ZNF608: variants seen among roughly 807,000 people sequenced by gnomAD.
The protein encoded by ZNF608 is renal carcinoma antigen NY-REN-36.
A neutral mutation model predicts 109.0 loss-of-function variants in ZNF608; 12 were observed. That is an observed-to-expected ratio of 0.11 (90% CI 0.07 to 0.18). The LOEUF is 0.18. ZNF608 is among the 10% of genes least tolerant of loss of function. ZNF608 has a pLI of 1.00. For synonymous variants in ZNF608, 732 were observed against 717.4 expected (o/e 1.02, Z -0.33); for missense variants, 1,707 against 1,879.3 (o/e 0.91, Z 1.70).
intron 3 of ZNF608, among the ~76,000 whole-genome samples, chr5:124,650,489 C>T (rs1398543062): frequency 3.3e-5 from 5 of 152,210 alleles, no homozygotes. Flanking sequence ...ACACTCGTTT[C>T]CTGCAAGCCA....
At chr5:124,694,722 T>TC (rs1259662826) in intron 3 of ZNF608, among the ~76,000 whole-genome samples, 3 of 103,632 alleles carry the variant, frequency 2.9e-5, no homozygotes, top group Non-Finnish European at 6.1e-5. Flanking sequence ...CCCTCCCCCC[T>TC]CCCCCACCCC....
intron 2 of ZNF608, among the ~76,000 whole-genome samples, chr5:124,716,122 G>A (rs549742993): frequency 1.6e-5 from 2 of 128,478 alleles, no homozygotes; most frequent in Admixed American, 2.0e-4. Flanking sequence ...CAGCCTGGGC[G>A]ACAGAGCGAG....
At chr5:124,666,127 A>G (rs1323532149) in intron 3 of ZNF608, 2 of 152,244 alleles carry the variant, frequency 1.3e-5, no homozygotes, top group African/African-American at 4.8e-5. Context: ...CAGGGAACGT[A>G]AATTTTATTC....
Position 124,746,347 on chromosome 5 carries a change from C to T in ZNF608, c.-336G>A. Reference sequence around the variant, plus strand: ...ACACATCTCAGCCAGAATAATCACTCGATAACATTATTCCACCTCCCCACC... The same window carrying T: ...ACACATCTCAGCCAGAATAATCACTTGATAACATTATTCCACCTCCCCACC... On this transcript the variant is annotated 5_prime_UTR_variant, in exon 1 of 10. Coordinates refer to ENST00000513986, the MANE Select transcript of ZNF608 (RefSeq NM_020747.3). 1 of 985,234 alleles carries T rather than the reference C, an allele frequency of 1.0e-6. No individual in the cohort carries two copies. The highest frequency in any genetic ancestry group is 1.2e-6 in the Non-Finnish European group (1 of 829,890). The allele number at this position is 985,234 out of a possible 1,614,324, so 61.0% of individuals were successfully genotyped here. A position where few individuals can be genotyped will look rare whatever the true frequency, so the allele number is the denominator to read the frequency against.
chr5:124,701,628 T>G (rs1280548393), intron 2 of ZNF608, among the ~76,000 whole-genome samples: 1 of 152,126 alleles, frequency 6.6e-6, no homozygotes, highest in Non-Finnish European at 1.5e-5. Context: ...ACTTTAAAAA[T>G]TATAACAGTT....
upstream of ZNF608, among the ~76,000 whole-genome samples, chr5:124,747,008 C>G (rs1749664070): frequency 6.6e-6 from 1 of 151,710 alleles, no homozygotes; most frequent in African/African-American, 2.4e-5. Context: ...GCTCAGTCTT[C>G]GAAACCTAAA....
chr5:124,717,269 C>A (rs947606713), intron 2 of ZNF608, among the ~76,000 whole-genome samples: 10 of 152,070 alleles, frequency 6.6e-5, no homozygotes, highest in African/African-American at 2.4e-4. Flanking sequence ...AGTTCGAGAC[C>A]CACCTGGCCA....
intron 3 of ZNF608, among the ~76,000 whole-genome samples, chr5:124,689,384 C>T (rs1274417808): frequency 2.7e-5 from 4 of 150,898 alleles, no homozygotes; most frequent in Admixed American, 6.6e-5. Flanking sequence ...TCAAAAAGTT[C>T]AAACCTGCAA....
chr5:124,745,271 A>T (rs1749599009), intron 1 of ZNF608, 99 bp from the exon 2 acceptor site: 8 of 1,116,748 alleles, frequency 7.2e-6, no homozygotes, highest in Non-Finnish European at 9.1e-6. Flanking sequence ...ACAGGGAAGG[A>T]TGGAGAGTAA....
chr5:124,669,389 G>A (rs1427366179), intron 3 of ZNF608, among the ~76,000 whole-genome samples: 1 of 152,162 alleles, frequency 6.6e-6, no homozygotes, highest in East Asian at 1.9e-4. Flanking sequence ...AAGAAGAGGT[G>A]TTCTCAGCAT....
chr5:124,649,069 T>G lies in ZNF608; in HGVS notation c.1315A>C (p.Arg439=). Residue 439 remains arginine, a synonymous_variant, in exon 5 of 10, where the codon AGG becomes CGG. Coordinates refer to ENST00000513986, the MANE Select transcript of ZNF608 (RefSeq NM_020747.3). Reference sequence around the variant, plus strand: ...GAGCCCGGGGCAGCAGCAGCAGACCTCGCTCTCTTCCCTCTGCCCCGGCCC... The same window carrying G: ...GAGCCCGGGGCAGCAGCAGCAGACCGCGCTCTCTTCCCTCTGCCCCGGCCC... ...RGGRGRGKRA[R]SAAAAPGSEA... The G allele has an allele frequency of 6.2e-7, 1 of 1,612,566 alleles. No individual in the cohort carries two copies.
At chr5:124,666,709 C>CTGTGTGTG (rs10546271) in intron 3 of ZNF608, among the ~76,000 whole-genome samples, 7 of 141,056 alleles carry the variant, frequency 5.0e-5, no homozygotes, top group South Asian at 2.4e-4. Context: ...TGGGTTTGCT[C>CTGTGTGTG]TGTGTGTGTG....
intron 2 of ZNF608, among the ~76,000 whole-genome samples, chr5:124,733,416 T>C (rs191821802): frequency 4.6e-4 from 70 of 152,208 alleles, no homozygotes; most frequent in Non-Finnish European, 7.1e-4. Flanking sequence ...GAGCTGTGTG[T>C]AGTCTCTCCC....
chr5:124,675,470 AG>A (rs1219883364), intron 3 of ZNF608, among the ~76,000 whole-genome samples: 1 of 152,226 alleles, frequency 6.6e-6, no homozygotes, highest in East Asian at 1.9e-4. Flanking sequence ...CATTTAGGCT[AG>A]TATGGCCAGT....
At chr5:124,708,664 G>A (rs1201753540) in intron 2 of ZNF608, 9 of 455,138 alleles carry the variant, frequency 2.0e-5, no homozygotes, top group Admixed American at 1.7e-4. Flanking sequence ...TAAAACTACC[G>A]TTATGCACAG....
intron 3 of ZNF608, among the ~76,000 whole-genome samples, chr5:124,665,320 G>T (rs13183378): frequency 0.13 from 20,323 of 152,202 alleles, 1,449 homozygotes; most frequent in East Asian, 0.22. Context: ...ACAGAGCCAG[G>T]TGTTAAATAC....
chr5:124,688,093 A>T (rs936844335), intron 3 of ZNF608, among the ~76,000 whole-genome samples: 2 of 152,170 alleles, frequency 1.3e-5, no homozygotes, highest in African/African-American at 4.8e-5. Context: ...ACAGCAACAA[A>T]AGTAAATCAG....
chr5:124,648,141 T>G lies in ZNF608; in HGVS notation c.2243A>C (p.Gln748Pro). The G allele has an allele frequency of 6.4e-7, 1 of 1,557,136 alleles. No individual in the cohort carries two copies. Residue 748 changes from glutamine to proline, a missense_variant, in exon 5 of 10, where the codon CAG becomes CCG. By Grantham distance (76) the Gln-to-Pro change is moderately conservative (BLOSUM62 -1). This residue lies in a region of ZNF608 where 1,073 missense variants were observed against 1,133.5 expected (regional missense o/e 0.95). Coordinates refer to ENST00000513986, the MANE Select transcript of ZNF608 (RefSeq NM_020747.3). ...GGTTGCAGTGGGTATAGCGATTAGC[T>G]GCGGGGGAGTGGGGGCTGGGGCAGG... is the stretch of plus-strand genomic sequence containing the variant. ...IAPAPAPTPP[Q>P]LIAIPTATFT...
Position 124,647,786 on chromosome 5 carries a change from A to G in ZNF608, c.2598T>C (p.Asn866=). 1 of 1,614,106 alleles carries G rather than the reference A, an allele frequency of 6.2e-7. No homozygotes were observed. Among genetic ancestry groups the G allele is most frequent in the Non-Finnish European group, 8.5e-7 (1 of 1,179,970 alleles). The change falls in exon 5 of 10, where the codon AAT becomes AAC. Residue 866 remains asparagine (N), a synonymous_variant. Transcript: ENST00000513986. ...GGCTCTCCTGAGACTCCGACAGTCC[A>G]TTTGCCAGCCCTTCATTCTTGTTGA... ...DHLNKNEGLA[N]GLSESQESRM...
Sources: gnomAD v4.1 joint callset for allele counts (sites outside exome capture counted in the v4.1 genomes callset) on GRCh38, gnomAD v4.1.1 for gene constraint, gnomAD v4.1.1 regional missense constraint, MANE v1.5 for transcripts, NCBI Gene and HGNC (gene_info 2026-07-23, HGNC 2026-07-21) for gene names.